The following PTPRD variants were observed in gnomAD, a reference collection of about 807,000 sequenced individuals.
PTPRD encodes the protein protein tyrosine phosphatase receptor type D.
In PTPRD, 34 loss-of-function variants were observed where a neutral mutation model predicts 214.5. The ratio of observed to expected loss-of-function variants is 0.16; its 90% CI spans 0.12 to 0.21. The LOEUF is 0.21. Ranked by LOEUF, PTPRD falls within the 10% of genes least tolerant of loss-of-function variation. PTPRD has a pLI of 1.00. For missense variants in PTPRD, 2,545 were observed against 2,398.7 expected, an observed-to-expected ratio of 1.06 and a Z score of -1.27; for synonymous variants, 1,128 against 845.7, an observed-to-expected ratio of 1.33 and a Z score of -5.79.
chr9:9,968,674 A>T (rs2094879763), intron 4 of PTPRD, among the ~76,000 whole-genome samples: 1 of 152,124 alleles, frequency 6.6e-6, no homozygotes, highest in East Asian at 1.9e-4. Context: ...AATTCTGAGG[A>T]TTCCCAAAAA....
intron 9 of PTPRD, among the ~76,000 whole-genome samples, chr9:9,190,700 T>G (rs1398497682): frequency 1.3e-5 from 2 of 152,098 alleles, no homozygotes; most frequent in Non-Finnish European, 2.9e-5. Flanking sequence ...TTTCTGCTCT[T>G]TACAAATTAT....
At chr9:10,506,689 A>G (rs1371558759) in intron 2 of PTPRD, among the ~76,000 whole-genome samples, 1 of 152,160 alleles carries the variant, frequency 6.6e-6, no homozygotes, top group Non-Finnish European at 1.5e-5. Flanking sequence ...TTTAGTTGTC[A>G]GGGAGCCACA....
intron 2 of PTPRD, among the ~76,000 whole-genome samples, chr9:10,480,595 G>C (rs544572495): frequency 3.3e-5 from 5 of 151,462 alleles, no homozygotes; most frequent in Non-Finnish European, 7.4e-5. Context: ...CAGATAATTT[G>C]AAAAATATTA....
chr9:8,639,052 A>G (rs2096514657), intron 12 of PTPRD, among the ~76,000 whole-genome samples: 1 of 152,142 alleles, frequency 6.6e-6, no homozygotes, highest in African/African-American at 2.4e-5. Context: ...CATGTGGGCC[A>G]GAATGGTCTC....
At chr9:10,455,996 CT>C (rs1468824839) in intron 2 of PTPRD, among the ~76,000 whole-genome samples, 1 of 151,692 alleles carries the variant, frequency 6.6e-6, no homozygotes, top group Non-Finnish European at 1.5e-5. Flanking sequence ...ATATAGCTGT[CT>C]TTGTTATAAG....
At chr9:10,193,234 T>A (rs1411924802) in intron 3 of PTPRD, among the ~76,000 whole-genome samples, 1 of 152,170 alleles carries the variant, frequency 6.6e-6, no homozygotes, top group Non-Finnish European at 1.5e-5. Context: ...TGTAAGGTTT[T>A]ACATAAGTTA....
chr9:9,252,622 C>T (rs1004984840), intron 9 of PTPRD, among the ~76,000 whole-genome samples: 4 of 152,010 alleles, frequency 2.6e-5, no homozygotes, highest in African/African-American at 9.7e-5. Flanking sequence ...GCTAGGACTG[C>T]AGGTGCATAC....
chr9:10,601,038 T>A (rs1208722455), intron 2 of PTPRD, among the ~76,000 whole-genome samples: 1 of 151,770 alleles, frequency 6.6e-6, no homozygotes, highest in Non-Finnish European at 1.5e-5. Flanking sequence ...TAGCAAGAAA[T>A]AAAGATGAAA....
intron 7 of PTPRD, among the ~76,000 whole-genome samples, chr9:9,690,988 T>C (rs183755832): frequency 3.9e-4 from 60 of 152,050 alleles, no homozygotes; most frequent in Admixed American, 1.1e-3. Context: ...TTTTTCTATA[T>C]ATTTAAAGAG....
intron 11 of PTPRD, among the ~76,000 whole-genome samples, chr9:8,930,785 T>G (rs1209989875): frequency 1.8e-4 from 27 of 152,206 alleles, no homozygotes. Context: ...GTTCATATCC[T>G]TTGCCCACTT....
chr9:9,771,579 T>C (rs1475898079), intron 5 of PTPRD, among the ~76,000 whole-genome samples: 1 of 152,208 alleles, frequency 6.6e-6, no homozygotes, highest in Non-Finnish European at 1.5e-5. Flanking sequence ...CCACATCACC[T>C]TATTTAAATG....
chr9:10,097,953 G>C lies in PTPRD; in HGVS notation c.-544-64163C>G, dbSNP rs201968500. Among the ~76,000 whole-genome samples, 3 of 151,896 alleles carry C rather than the reference G, an allele frequency of 2.0e-5. No homozygotes were observed. In the East Asian group the frequency reaches 5.9e-4, roughly 30 times the overall value. On this transcript the variant is annotated intron_variant, in intron 3 of 45. Coordinates refer to ENST00000381196, the MANE Select transcript of PTPRD (RefSeq NM_002839.4). ...GGTGTAGCGATTCCTCAGGGATCTA[G>C]AACTTGAAATACCATTTGACCCAGC... is the stretch of plus-strand genomic sequence containing the variant.
chr9:9,642,883 T>G (rs904247915), intron 7 of PTPRD, among the ~76,000 whole-genome samples: 1 of 152,192 alleles, frequency 6.6e-6, no homozygotes, highest in African/African-American at 2.4e-5. Context: ...AGCTAGTATG[T>G]TGCAAAAACA....
At chr9:10,363,701 C>A (rs1462982677) in intron 2 of PTPRD, among the ~76,000 whole-genome samples, 2 of 152,114 alleles carry the variant, frequency 1.3e-5, no homozygotes, top group African/African-American at 4.8e-5. Context: ...TGGATTCATT[C>A]ATGATTCCAG....
At chr9:9,570,684 C>CA (rs2086098021) in intron 8 of PTPRD, among the ~76,000 whole-genome samples, 1 of 151,376 alleles carries the variant, frequency 6.6e-6, no homozygotes, top group Admixed American at 6.6e-5. Context: ...TTCATTATGA[C>CA]ACAGAGATCG....
At chr9:8,548,194 T>C (rs1023097576) in intron 14 of PTPRD, among the ~76,000 whole-genome samples, 1 of 152,138 alleles carries the variant, frequency 6.6e-6, no homozygotes, top group African/African-American at 2.4e-5. Context: ...AAGTGCGAGG[T>C]GGATTCAAGG....
chr9:9,335,349 G>C (rs143340016), intron 9 of PTPRD, among the ~76,000 whole-genome samples: 10 of 152,116 alleles, frequency 6.6e-5, no homozygotes, highest in African/African-American at 2.4e-4. Flanking sequence ...GAGAACACTA[G>C]ATTTAGAGTG....
chr9:9,787,246 A>G (rs968836563), intron 5 of PTPRD, among the ~76,000 whole-genome samples: 1 of 152,032 alleles, frequency 6.6e-6, no homozygotes, highest in Non-Finnish European at 1.5e-5. Context: ...ACAGTACTAC[A>G]CAACAGTGAC....
chr9:9,332,059 G>A (rs189563068), intron 9 of PTPRD, among the ~76,000 whole-genome samples: 278 of 152,166 alleles, frequency 1.8e-3, no homozygotes, highest in Non-Finnish European at 2.3e-3. Flanking sequence ...TGGACAGCTA[G>A]TCTGTTCACA....
Sources: gnomAD v4.1 joint callset for allele counts (sites outside exome capture counted in the v4.1 genomes callset) on GRCh38, gnomAD v4.1.1 for gene constraint, MANE v1.5 for transcripts, NCBI Gene and HGNC (gene_info 2026-07-23, HGNC 2026-07-21) for gene names.